The following SAMD8 variants were observed in gnomAD, a reference collection of about 807,000 sequenced individuals.
SAMD8 encodes the protein sphingomyelin synthase-related protein 1.
A neutral mutation model predicts 42.0 loss-of-function variants in SAMD8; 20 were observed. The observed-to-expected ratio is 0.48, with a 90% CI of 0.34 to 0.69. SAMD8 has a LOEUF of 0.69. Among genes scored for constraint, SAMD8 ranks in the 30% least tolerant of loss-of-function variants. The pLI is 0.01. For synonymous variants in SAMD8, 162 were observed against 173.0 expected (o/e 0.94, Z 0.50); for missense variants, 328 against 511.6 (o/e 0.64, Z 3.46).
At position 75,168,449 on chromosome 10, in the gene SAMD8, G is replaced by A. The variant is rs1840745023; in HGVS notation, c.675-92G>A. On this transcript the variant is annotated intron_variant, in intron 3 of 5. Transcript: ENST00000542569. ...CTTCAAAGAGTCTAGTGATTTTTCT[G>A]TTTGCTCTTCCTTGAAGTAAATATT... is the stretch of plus-strand genomic sequence containing the variant. 9.7e-6 allele frequency: 15 copies of A among 1,545,268 alleles called. 2 individuals are homozygous for A. The South Asian group carries it at 1.8e-4, about 19-fold the overall frequency.
At chr10:75,110,822 G>A (rs1848746855), upstream of SAMD8, among the ~76,000 whole-genome samples, 1 of 151,632 alleles carries the variant, frequency 6.6e-6, no homozygotes, top group South Asian at 2.1e-4. Context: ...TTAGCACTAG[G>A]ATTTTTTTTT....
chr10:75,140,705 C>T (rs1322063521), intron 1 of SAMD8, among the ~76,000 whole-genome samples: 1 of 152,096 alleles, frequency 6.6e-6, no homozygotes, highest in Non-Finnish European at 1.5e-5. Context: ...TGTTACAAAG[C>T]AATAGAAAAC....
In SAMD8 at chr10:75,106,581, C is replaced by T. The variant is rs533139210; in HGVS notation, c.-16+6853C>T. ...CCTTTGTAGAGGGAAGTCCCCCCACCTTCCCGATCCTCTGGGCTTAGCACC... is the reference window on the plus strand; with the variant it reads ...CCTTTGTAGAGGGAAGTCCCCCCACTTTCCCGATCCTCTGGGCTTAGCACC... On this transcript the variant is annotated intron_variant, in intron 1 of 3. Transcript: ENST00000447533. Among the ~76,000 whole-genome samples the T allele has an allele frequency of 2.2e-4, 33 of 152,318 alleles. 1 individual carries two copies. The South Asian group carries it at 6.6e-3, about 31-fold the overall frequency.
chr10:75,158,656 A>G lies in SAMD8; in HGVS notation c.579-5989A>G, dbSNP rs186593848. ...AGTGTATTTACAAAGTTGTAGAGCC[A>G]TCACCACTAATTCCAGAACATTTTC... On this transcript the variant is annotated intron_variant, in intron 2 of 5. Transcript: ENST00000542569. Among the ~76,000 whole-genome samples the G allele has an allele frequency of 2.4e-4, 36 of 152,320 alleles. No individual in the cohort carries two copies. In the East Asian group the frequency reaches 6.6e-3, roughly 28 times the overall value.
At chr10:75,101,078 G>C (rs1848129347) in intron 1 of SAMD8, among the ~76,000 whole-genome samples, 1 of 152,382 alleles carries the variant, frequency 6.6e-6, no homozygotes, top group East Asian at 1.9e-4. Context: ...GGCAGGACCA[G>C]TGAGGAGTGT....
intron 4 of SAMD8, among the ~76,000 whole-genome samples, chr10:75,173,837 A>T (rs182290128): frequency 6.6e-5 from 10 of 152,280 alleles, no homozygotes; most frequent in Non-Finnish European, 1.0e-4. Context: ...TCTTTAAGAC[A>T]TAGGGCTTTG....
At chr10:75,172,562 A>G (rs1017857047) in intron 4 of SAMD8, among the ~76,000 whole-genome samples, 2 of 150,256 alleles carry the variant, frequency 1.3e-5, no homozygotes, top group African/African-American at 4.9e-5. Flanking sequence ...CGGTGGTGCG[A>G]TCTTGGCTTA....
rs1345711952 is a variant in SAMD8, at chr10:75,178,483, A to G, written c.*1791A>G. The G allele has an allele frequency of 1.3e-5, 2 of 152,182 alleles. No homozygotes were observed. Among genetic ancestry groups the G allele is most frequent in the Non-Finnish European group, 2.9e-5 (2 of 68,030 alleles). The allele number at this position is 152,182 out of a possible 1,614,324, so 9.4% of individuals were successfully genotyped here. On this transcript the variant is annotated 3_prime_UTR_variant, in exon 6 of 6. Transcript: ENST00000542569. ...AAAGATATGTTACTGTTATTTTTCTACGTGACAGAACAGACTGAATTTAGC... is the reference window on the plus strand; with the variant it reads ...AAAGATATGTTACTGTTATTTTTCTGCGTGACAGAACAGACTGAATTTAGC...
chr10:75,166,107 T>C (rs994042492), intron 3 of SAMD8, among the ~76,000 whole-genome samples: 2 of 151,866 alleles, frequency 1.3e-5, no homozygotes, highest in Admixed American at 6.6e-5. Context: ...CCAAAAAATA[T>C]AGACGAAAGA....
At chr10:75,135,698 C>T (rs1386536501) in intron 1 of SAMD8, among the ~76,000 whole-genome samples, 1 of 148,016 alleles carries the variant, frequency 6.8e-6, no homozygotes, top group Admixed American at 6.8e-5. Context: ...TGGTGGTGGG[C>T]GCCTGTAGTC....
chr10:75,127,731 T>C (rs1350914589), intron 1 of SAMD8, among the ~76,000 whole-genome samples: 1 of 152,220 alleles, frequency 6.6e-6, no homozygotes, highest in Non-Finnish European at 1.5e-5. Context: ...ATTGAATGGA[T>C]AGCTGATAAT....
intron 1 of SAMD8, among the ~76,000 whole-genome samples, chr10:75,117,412 C>A (rs1221894978): frequency 3.1e-4 from 46 of 149,008 alleles, no homozygotes; most frequent in African/African-American, 1.1e-3. Context: ...AAGAGTGAGG[C>A]CCTATCTTAA....
chr10:75,118,267 G>A (rs9299525), intron 1 of SAMD8, among the ~76,000 whole-genome samples: 84,052 of 152,096 alleles, frequency 0.55, 25,030 homozygotes, highest in East Asian at 0.9. Context: ...GATGGTAGGA[G>A]TTAGTGCAAG....
rs118168558 is a variant in SAMD8 at position 75,168,666 on chromosome 10, G to A, written c.792+8G>A. ...CTGCAGTGTACTGGAAAGGTAGCCTGCTACCTTCTTTATCATTCTTGTTTT... is the reference window on the plus strand; with the variant it reads ...CTGCAGTGTACTGGAAAGGTAGCCTACTACCTTCTTTATCATTCTTGTTTT... On this transcript the variant is annotated splice_region_variant and intron_variant, in intron 4 of 5. Transcript: ENST00000542569. The A allele has an allele frequency of 4.8e-5, 75 of 1,552,476 alleles. No individual in the cohort carries two copies. The highest frequency in any genetic ancestry group is 6.0e-5 in the Non-Finnish European group (67 of 1,124,064).
At chr10:75,164,998 T>TA (rs1025661973) in intron 3 of SAMD8, among the ~76,000 whole-genome samples, 2 of 152,006 alleles carry the variant, frequency 1.3e-5, no homozygotes, top group African/African-American at 2.4e-5. Context: ...ATCTCTGATC[T>TA]AAAAAAAAGA....
At chr10:75,105,221 A>T (rs1026792070) in intron 1 of SAMD8, among the ~76,000 whole-genome samples, 1 of 152,104 alleles carries the variant, frequency 6.6e-6, no homozygotes, top group Non-Finnish European at 1.5e-5. Flanking sequence ...GGGGATGTGG[A>T]GGTTCAGGAG....
intron 4 of SAMD8, among the ~76,000 whole-genome samples, chr10:75,175,412 A>G (rs1172403580): frequency 6.6e-6 from 1 of 152,146 alleles, no homozygotes; most frequent in Non-Finnish European, 1.5e-5. Context: ...CCAAGCAACT[A>G]CTACTGTGAT....
chr10:75,174,323 G>A (rs1840939084), intron 4 of SAMD8, among the ~76,000 whole-genome samples: 1 of 151,878 alleles, frequency 6.6e-6, no homozygotes, highest in South Asian at 2.1e-4. Flanking sequence ...TAGAGATGGG[G>A]TTTCACCGTG....
At chr10:75,115,609 A>C (rs1406440376) in intron 1 of SAMD8, among the ~76,000 whole-genome samples, 1 of 152,104 alleles carries the variant, frequency 6.6e-6, no homozygotes, top group African/African-American at 2.4e-5. Flanking sequence ...ATGTTTCCGT[A>C]TTGAAATGTT....
Sources: allele counts gnomAD v4.1 joint callset (sites outside exome capture counted in the v4.1 genomes callset), GRCh38; gene constraint gnomAD v4.1.1; transcripts MANE v1.5; gene names NCBI Gene and HGNC (gene_info 2026-07-23, HGNC 2026-07-21).